SPINK5: variants seen among roughly 807,000 people sequenced by gnomAD.
SPINK5 encodes the protein serine protease inhibitor Kazal-type 5.
Under a neutral mutation model 151.8 loss-of-function variants are expected in SPINK5, and 125 were observed. That is an observed-to-expected ratio of 0.82 (90% confidence interval 0.71 to 0.96). The LOEUF (loss-of-function observed/expected upper bound fraction) is 0.96. Ranked by LOEUF, SPINK5 falls within the 40% of genes least tolerant of loss-of-function variation. SPINK5 has a pLI of 0.00. For missense variants in SPINK5, 1,194 were observed against 1,291.9 expected, an observed-to-expected ratio of 0.92 and a Z score of 1.16; for synonymous variants, 374 against 395.3, an observed-to-expected ratio of 0.95 and a Z score of 0.64.
At chr5:148,125,928 T>C (rs968019640) in intron 29 of SPINK5, 78 bp downstream of exon 29, 2 of 1,598,364 alleles carry the variant, frequency 1.3e-6, no homozygotes, top group African/African-American at 2.7e-5. Context: ...AATAAGTTTG[T>C]ATATTTATGA....
chr5:148,089,735 T>C, intron 7 of SPINK5, 114 bp downstream of exon 7: 2 of 1,483,776 alleles, frequency 1.3e-6, no homozygotes, highest in Non-Finnish European at 1.9e-6. Context: ...TCTTTGTCTT[T>C]ACACTGTGAA....
In SPINK5 at chr5:148,127,106, A is replaced by C. The variant is rs779952306; in HGVS notation, c.2964+27A>C. 5 of 1,580,556 alleles carry C rather than the reference A, an allele frequency of 3.2e-6. No homozygotes were observed. In the African/African-American group the frequency reaches 5.4e-5, roughly 17 times the overall value. ...TAAGGAGGACTATTTCTGAAAAGCT[A>C]CTTATCAATTTAATTTTCTTGATTT... On this transcript the variant is annotated intron_variant, in intron 30 of 32. Coordinates refer to ENST00000256084, the MANE Select transcript of SPINK5 (RefSeq NM_006846.4).
intron 31 of SPINK5, among the ~76,000 whole-genome samples, chr5:148,132,206 C>T (rs1754589270): frequency 6.6e-6 from 1 of 152,096 alleles, no homozygotes. Flanking sequence ...CATCCCTTCC[C>T]TTCTCCTGGC....
At chr5:148,101,547 G>T in intron 14 of SPINK5, 111 bp downstream of exon 14, 1 of 1,072,116 alleles carries the variant, frequency 9.3e-7, no homozygotes, top group Non-Finnish European at 1.4e-6. Flanking sequence ...TGTACAGTTT[G>T]TGTTTTCATA....
intron 2 of SPINK5, among the ~76,000 whole-genome samples, chr5:148,069,479 G>C (rs932021829): frequency 3.3e-5 from 5 of 149,546 alleles, no homozygotes; most frequent in Admixed American, 3.3e-4. Flanking sequence ...GAGAGAGAGA[G>C]AAAGAGAGAG....
intron 20 of SPINK5, among the ~76,000 whole-genome samples, chr5:148,114,138 G>A (rs1754018994): frequency 2.0e-5 from 3 of 152,114 alleles, no homozygotes; most frequent in Admixed American, 6.5e-5. Flanking sequence ...CTTGTGTATG[G>A]TTGCAGGTTT....
At chr5:148,128,791 G>C (rs941572810) in intron 30 of SPINK5, among the ~76,000 whole-genome samples, 1 of 152,146 alleles carries the variant, frequency 6.6e-6, no homozygotes, top group African/African-American at 2.4e-5. Context: ...CCAAAGTGCT[G>C]GGATTATAGG....
intron 18 of SPINK5, among the ~76,000 whole-genome samples, chr5:148,110,349 A>T (rs1753893499): frequency 6.6e-6 from 1 of 152,046 alleles, no homozygotes. Context: ...CATACAATGA[A>T]CTTTACCTTC....
chr5:148,134,635 A>T lies in SPINK5; in HGVS notation c.3186+748A>T, dbSNP rs181817698. On this transcript the variant is annotated intron_variant, in intron 32 of 32. Coordinates refer to ENST00000256084, the MANE Select transcript of SPINK5 (RefSeq NM_006846.4). ...TGTCTGAAAAATTAATGTCACTATT[A>T]TTATTATGCCTAAGACCAAAGTATG... Among the ~76,000 whole-genome samples the T allele has an allele frequency of 2.6e-3, 394 of 152,252 alleles. 1 individual carries two copies. The highest frequency in any genetic ancestry group is 9.1e-3 in the African/African-American group (378 of 41,536).
intron 3 of SPINK5, 133 bp downstream of exon 3, chr5:148,070,583 A>G: frequency 8.9e-7 from 1 of 1,119,300 alleles, no homozygotes; most frequent in Non-Finnish European, 1.3e-6. Context: ...TGAGCAGATC[A>G]CTCTGACATT....
intron 28 of SPINK5, chr5:148,125,467 G>T: frequency 6.7e-7 from 1 of 1,498,482 alleles, no homozygotes; most frequent in South Asian, 1.2e-5. Context: ...GGATGAACGG[G>T]AGAAAAAAAC....
intron 16 of SPINK5, 85 bp downstream of exon 16, chr5:148,105,085 T>C (rs778994106): frequency 3.5e-5 from 50 of 1,443,176 alleles, no homozygotes; most frequent in Non-Finnish European, 4.6e-5. Context: ...GAATAAATGT[T>C]TTCTGTTTAA....
At chr5:148,106,021 C>CT (rs987775446) in intron 16 of SPINK5, among the ~76,000 whole-genome samples, 34 of 148,564 alleles carry the variant, frequency 2.3e-4, no homozygotes, top group South Asian at 1.7e-3. Context: ...CTTACTGACT[C>CT]TTTTTTTTTT....
intron 28 of SPINK5, among the ~76,000 whole-genome samples, chr5:148,125,301 G>A (rs144932979): frequency 2.6e-5 from 4 of 152,268 alleles, no homozygotes; most frequent in East Asian, 3.9e-4. Context: ...GTGTGCATGC[G>A]TGATGCTTTC....
chr5:148,065,907 G>A (rs182013021), intron 2 of SPINK5, among the ~76,000 whole-genome samples: 26 of 152,198 alleles, frequency 1.7e-4, no homozygotes, highest in African/African-American at 4.1e-4. Context: ...TGAAAATTAC[G>A]TTTTAGTGTA....
At chr5:148,091,099 C>A in intron 7 of SPINK5, 66 bp from the exon 8 acceptor site, 1 of 1,354,466 alleles carries the variant, frequency 7.4e-7, no homozygotes, top group Non-Finnish European at 1.0e-6. Flanking sequence ...GTGTTTAGCA[C>A]AGGACTGAGG....
At chr5:148,131,696 G>A (rs1308184868) in intron 31 of SPINK5, among the ~76,000 whole-genome samples, 1 of 152,160 alleles carries the variant, frequency 6.6e-6, no homozygotes, top group Non-Finnish European at 1.5e-5. Context: ...TCATGGGAGT[G>A]TGAACATCAT....
chr5:148,104,895 CA>C, intron 15 of SPINK5, 56 bp from the exon 16 acceptor site: 1 of 1,510,094 alleles, frequency 6.6e-7, no homozygotes, highest in Non-Finnish European at 8.9e-7. Flanking sequence ...GACTCCGTCT[CA>C]AAAAAGAAAA....
chr5:148,082,389 T>C (rs1167849484), intron 4 of SPINK5, among the ~76,000 whole-genome samples: 1 of 151,026 alleles, frequency 6.6e-6, no homozygotes, highest in African/African-American at 2.4e-5. Flanking sequence ...ATCATTATTT[T>C]CCAAACACTT....
Sources: gnomAD v4.1 joint callset for allele counts (sites outside exome capture counted in the v4.1 genomes callset) on GRCh38, gnomAD v4.1.1 for gene constraint, MANE v1.5 for transcripts, NCBI Gene and HGNC (gene_info 2026-07-23, HGNC 2026-07-21) for gene names.